MTPN: variants seen among roughly 807,000 people sequenced by gnomAD.
MTPN encodes the protein myotrophin.
MTPN carries 2 observed loss-of-function variants against 13.5 expected under a neutral mutation model. The ratio of observed to expected loss-of-function variants is 0.15; its 90% CI spans 0.06 to 0.47. The LOEUF (loss-of-function observed/expected upper bound fraction) is 0.47. MTPN is among the 20% of genes least tolerant of loss of function. The probability of loss-of-function intolerance (pLI) is 0.97; values close to 1 mark genes in which losing one functional copy is unlikely to be tolerated. For missense variants in MTPN, 79 were observed against 137.9 expected, an observed-to-expected ratio of 0.57 and a Z score of 2.14; for synonymous variants, 46 against 51.7, an observed-to-expected ratio of 0.89 and a Z score of 0.48.
intron 1 of MTPN, among the ~76,000 whole-genome samples, chr7:135,972,215 A>G (rs1164617013): frequency 2.8e-4 from 24 of 85,962 alleles, no homozygotes; most frequent in South Asian, 2.2e-3. Context: ...ACACACGCGC[A>G]CACGCGCACG....
At chr7:135,971,811 ATTT>A (rs910315685) in intron 1 of MTPN, among the ~76,000 whole-genome samples, 1 of 152,182 alleles carries the variant, frequency 6.6e-6, no homozygotes, top group Non-Finnish European at 1.5e-5. Context: ...TAATTTAGTT[ATTT>A]TTGTTTCTTC....
intron 3 of MTPN, among the ~76,000 whole-genome samples, chr7:135,949,236 A>G (rs765463633): frequency 1.9e-4 from 29 of 152,338 alleles, no homozygotes; most frequent in Non-Finnish European, 3.7e-4. Context: ...TTTCATAAAC[A>G]GCAAATCTGT....
chr7:135,935,922 A>C (rs866343758), intron 3 of MTPN, among the ~76,000 whole-genome samples: 4 of 152,186 alleles, frequency 2.6e-5, no homozygotes, highest in Middle Eastern at 3.4e-3. Context: ...ATGAAATTAC[A>C]ATTGTGGTAC....
chr7:135,956,347 G>GA (rs1378659479), intron 1 of MTPN, among the ~76,000 whole-genome samples: 2 of 152,158 alleles, frequency 1.3e-5, no homozygotes, highest in Non-Finnish European at 2.9e-5. Context: ...ACCAGTTACA[G>GA]AAAAAAATGA....
At position 135,927,517 on chromosome 7, in the gene MTPN, T is replaced by G. The variant is rs1274422587; in HGVS notation, c.*2409A>C. On this transcript the variant is annotated 3_prime_UTR_variant, in exon 4 of 4. Transcript: ENST00000393085. ...GTATTACTTCAGTGGAGAACAAAAC[T>G]TACTTAACCTTTCGCTAATGCATGT... 1 of 1,078,426 alleles carries G rather than the reference T, an allele frequency of 9.3e-7. No individual in the cohort carries two copies. Among genetic ancestry groups the G allele is most frequent in the Non-Finnish European group, 1.3e-6 (1 of 741,112 alleles). 66.8% of individuals were successfully genotyped at this position (1,078,426 alleles called of 1,614,324 possible).
intron 1 of MTPN, among the ~76,000 whole-genome samples, chr7:135,961,785 T>G (rs1799527471): frequency 6.6e-6 from 1 of 152,064 alleles, no homozygotes; most frequent in Admixed American, 6.6e-5. Flanking sequence ...AAAAATTTGT[T>G]TAATGGTCAA....
chr7:135,939,496 C>T (rs1056387660), intron 3 of MTPN, among the ~76,000 whole-genome samples: 1 of 149,086 alleles, frequency 6.7e-6, no homozygotes, highest in Non-Finnish European at 1.5e-5. Flanking sequence ...CTCTTTCCCC[C>T]CTCTTCCTGT....
At chr7:135,954,478 A>G (rs1015035196) in intron 1 of MTPN, among the ~76,000 whole-genome samples, 1 of 152,262 alleles carries the variant, frequency 6.6e-6, no homozygotes, top group African/African-American at 2.4e-5. Context: ...AAGAATGCTT[A>G]ACAATTCAGA....
At chr7:135,955,606 A>T (rs889022704) in intron 1 of MTPN, among the ~76,000 whole-genome samples, 15 of 152,188 alleles carry the variant, frequency 9.9e-5, no homozygotes, top group Non-Finnish European at 2.2e-4. Context: ...TTCCAAAACA[A>T]GACAAAGATG....
chr7:135,970,605 T>C (rs1001588516), intron 1 of MTPN, among the ~76,000 whole-genome samples: 1 of 152,156 alleles, frequency 6.6e-6, no homozygotes, highest in Non-Finnish European at 1.5e-5. Flanking sequence ...AATATTGTTA[T>C]AATTTCTATC....
intron 3 of MTPN, among the ~76,000 whole-genome samples, chr7:135,946,635 C>G (rs1799293150): frequency 6.6e-6 from 1 of 152,122 alleles, no homozygotes; most frequent in Non-Finnish European, 1.5e-5. Context: ...AAAAAGTTTG[C>G]CAACTTTTGA....
chr7:135,969,193 C>G (rs1241487205), intron 1 of MTPN, among the ~76,000 whole-genome samples: 1 of 126,456 alleles, frequency 7.9e-6, no homozygotes, highest in Admixed American at 9.2e-5. Flanking sequence ...ACATATGCAA[C>G]TAACCTGCAC....
intron 3 of MTPN, among the ~76,000 whole-genome samples, chr7:135,930,813 A>G (rs1253692167): frequency 1.3e-5 from 2 of 152,166 alleles, no homozygotes; most frequent in African/African-American, 4.8e-5. Flanking sequence ...CTTAACTCCC[A>G]GAGACAACAT....
intron 1 of MTPN, among the ~76,000 whole-genome samples, chr7:135,970,118 T>C (rs180985696): frequency 5.3e-5 from 8 of 152,316 alleles, no homozygotes; most frequent in Admixed American, 2.0e-4. Flanking sequence ...ATGTTTATCA[T>C]ACGGGAATAG....
At chr7:135,973,442 C>T (rs1225543765) in intron 1 of MTPN, among the ~76,000 whole-genome samples, 4 of 151,234 alleles carry the variant, frequency 2.6e-5, no homozygotes, top group African/African-American at 9.7e-5. Flanking sequence ...GGTCATGATA[C>T]CATTAGTGAA....
chr7:135,954,135 C>T (rs1252848510), intron 1 of MTPN, among the ~76,000 whole-genome samples: 3 of 152,192 alleles, frequency 2.0e-5, no homozygotes, highest in Non-Finnish European at 2.9e-5. Flanking sequence ...AATGTCTACA[C>T]TTCACAGGGT....
Position 135,977,319 on chromosome 7 carries a change from A to T in MTPN, c.-219T>A, listed in dbSNP as rs1292707393. 3.4e-6 allele frequency: 2 copies of T among 587,904 alleles called. No homozygotes were observed. Among genetic ancestry groups the T allele is most frequent in the Admixed American group, 3.0e-5 (1 of 33,832 alleles). The allele number at this position is 587,904 out of a possible 1,614,324, so 36.4% of individuals were successfully genotyped here. ...TTTGCGGCCACCGGGCCCAGCAGAG[A>T]GGTTCCGCCTGGCCGAGGAGAGGCA... On this transcript the variant is annotated 5_prime_UTR_variant, in exon 1 of 4. Coordinates refer to ENST00000393085, the MANE Select transcript of MTPN (RefSeq NM_145808.4).
chr7:135,958,448 TCA>T (rs904504864), intron 1 of MTPN, among the ~76,000 whole-genome samples: 2 of 152,134 alleles, frequency 1.3e-5, no homozygotes, highest in Non-Finnish European at 1.5e-5. Context: ...TTATACAATC[TCA>T]GTGTTGGAAG....
At chr7:135,935,482 C>T (rs1799101555) in intron 3 of MTPN, among the ~76,000 whole-genome samples, 2 of 152,084 alleles carry the variant, frequency 1.3e-5, no homozygotes, top group Admixed American at 1.3e-4. Flanking sequence ...CCTTGTGATC[C>T]GCCCACCTTA....
Sources: gnomAD v4.1 joint callset for allele counts (sites outside exome capture counted in the v4.1 genomes callset) on GRCh38, gnomAD v4.1.1 for gene constraint, MANE v1.5 for transcripts, NCBI Gene and HGNC (gene_info 2026-07-23, HGNC 2026-07-21) for gene names.